AGRN: variants seen among roughly 807,000 people sequenced by gnomAD.
AGRN encodes agrin proteoglycan.
In AGRN, 106 loss-of-function variants were observed where a neutral mutation model predicts 211.0. The observed-to-expected ratio is 0.50, with a 90% CI of 0.43 to 0.59. The LOEUF (loss-of-function observed/expected upper bound fraction) is 0.59. Among genes scored for constraint, AGRN ranks in the 20% least tolerant of loss-of-function variants. The probability of loss-of-function intolerance (pLI) is 0.00; values close to 1 mark genes in which losing one functional copy is unlikely to be tolerated. For missense variants in AGRN, 3,040 were observed against 2,982.6 expected, an observed-to-expected ratio of 1.02 and a Z score of -0.45; for synonymous variants, 1,525 against 1,332.5, an observed-to-expected ratio of 1.14 and a Z score of -3.15.
chr1:1,044,478 G>T (rs1313042817), intron 12 of AGRN, 39 bp downstream of exon 12: 1 of 1,567,910 alleles, frequency 6.4e-7, no homozygotes, highest in African/African-American at 1.4e-5. Context: ...CACAGGCGGG[G>T]CGGCGTCTGG....
rs1011692859 is a variant in AGRN, at chr1:1,055,117, G to A, written c.*136G>A. 29 of 1,390,388 alleles carry A rather than the reference G, an allele frequency of 2.1e-5. No individual in the cohort carries two copies. The East Asian group carries it at 3.2e-4, about 16-fold the overall frequency. 86.1% of individuals were successfully genotyped at this position (1,390,388 alleles called of 1,614,324 possible). On this transcript the variant is annotated 3_prime_UTR_variant, in exon 36 of 36. Coordinates refer to ENST00000379370, the MANE Select transcript of AGRN (RefSeq NM_198576.4). ...GCCTCCCTTCCGTCCAGGCAGCCGT[G>A]CTGCAGACAGACCTAGTGCCGAGGG...
chr1:1,049,256 C>G lies in AGRN; in HGVS notation c.4319C>G (p.Pro1440Arg). The change falls in exon 25 of 36, where the codon CCG becomes CGG. Residue 1440 changes from proline (P) to arginine (R), a missense_variant. Pro to Arg is a moderately radical substitution (Grantham distance 103). Coordinates refer to ENST00000379370, the MANE Select transcript of AGRN (RefSeq NM_198576.4). The part of the protein sequence containing the change: ...VQLRFDTGSG[P>R]AVLTSAVPVE... ...CTCAGGTTTGACACAGGTTCGGGGC[C>G]GGCGGTGCTGACCAGTGCCGTGCCG... The G allele has an allele frequency of 5.7e-6, 9 of 1,588,564 alleles. No individual in the cohort carries two copies. The highest frequency in any genetic ancestry group is 7.7e-6 in the Non-Finnish European group (9 of 1,173,926).
Position 1,047,884 on chromosome 1 carries a change from T to C in AGRN, c.3740T>C (p.Phe1247Ser), listed in dbSNP as rs1052085783. The C allele has an allele frequency of 1.9e-6, 3 of 1,605,636 alleles. No homozygotes were observed. The Admixed American group carries it at 5.1e-5, about 27-fold the overall frequency. Reference protein sequence around the residue: ...VRRPLQEHVRFMDFDWFPAFI... With the variant: ...VRRPLQEHVRSMDFDWFPAFI... Reference sequence around the variant, plus strand: ...CGGCCGCTGCAGGAGCACGTGCGATTTATGGACTTTGGTGAGCGCCAGGCC... The same window carrying C: ...CGGCCGCTGCAGGAGCACGTGCGATCTATGGACTTTGGTGAGCGCCAGGCC... The change falls in exon 22 of 36, where the codon TTT becomes TCT. Residue 1247 changes from phenylalanine (F) to serine (S), a missense_variant. Transcript: ENST00000379370.
chr1:1,043,788 G>C (rs1258395981), intron 9 of AGRN, 35 bp from the exon 10 acceptor site: 5 of 1,607,238 alleles, frequency 3.1e-6, no homozygotes, highest in Admixed American at 1.7e-5. Flanking sequence ...CTCAGCCTGG[G>C]CCTGCCGACC....
chr1:1,045,998 C>G lies in AGRN; in HGVS notation c.2715C>G (p.Arg905=), dbSNP rs757267055. ...ASAPATCAEM[R]CEFGARCVEE... ...CGCCTGCGACCTGTGCGGAGATGCGCTGTGAGTTCGGTGCGCGGTGCGTGG... is the reference window on the plus strand; with the variant it reads ...CGCCTGCGACCTGTGCGGAGATGCGGTGTGAGTTCGGTGCGCGGTGCGTGG... Residue 905 remains arginine, a synonymous_variant, in exon 16 of 36, where the codon CGC becomes CGG. Coordinates refer to ENST00000379370, the MANE Select transcript of AGRN (RefSeq NM_198576.4). The G allele has an allele frequency of 1.6e-5, 26 of 1,613,872 alleles. No homozygotes were observed. The highest frequency in any genetic ancestry group is 8.5e-7 in the Non-Finnish European group (1 of 1,180,030).
rs752964147 is a variant in AGRN at position 1,050,521 on chromosome 1, G to A, written c.5071G>A (p.Val1691Met). ...GQKTDGKGDF[V>M]SLALRDRRLE... ...GAAGACGGACGGCAAGGGGGACTTC[G>A]TGTCGCTGGCACTGCGGGACCGCCG... Residue 1691 changes from valine to methionine, a missense_variant, in exon 29 of 36, where the codon GTG (valine) becomes ATG (methionine). Physicochemically the swap from Val to Met is conservative, Grantham distance 21 (BLOSUM62 1). Around this residue, in one of 3 missense-constraint regions of AGRN, gnomAD observed 1,537 missense variants for 1,505.0 expected, o/e 1.02. Coordinates refer to ENST00000379370, the MANE Select transcript of AGRN (RefSeq NM_198576.4). 1.8e-5 allele frequency: 29 copies of A among 1,612,756 alleles called. No individual in the cohort carries two copies. The highest frequency in any genetic ancestry group is 1.0e-4 in the Admixed American group (6 of 59,990).
At position 1,050,380 on chromosome 1, in the gene AGRN, C is replaced by G. The variant is rs770817951; in HGVS notation, c.4977-47C>G. 4 of 1,612,652 alleles carry G rather than the reference C, an allele frequency of 2.5e-6. No homozygotes were observed. The African/African-American group carries it at 5.3e-5, about 22-fold the overall frequency. ...GGGCCGGCCCCCACCTCCGTCTCTC[C>G]TGTGGGGAGGGGACAGCAAAGACAC... On this transcript the variant is annotated intron_variant, in intron 28 of 35. Coordinates refer to ENST00000379370, the MANE Select transcript of AGRN (RefSeq NM_198576.4).
Position 1,048,557 on chromosome 1 carries a change from G to A in AGRN, c.4105+192G>A. The A allele has an allele frequency of 1.7e-6, 1 of 605,774 alleles. No individual in the cohort carries two copies. Among genetic ancestry groups the A allele is most frequent in the Non-Finnish European group, 2.8e-6 (1 of 355,962 alleles). 37.5% of individuals were successfully genotyped at this position (605,774 alleles called of 1,614,324 possible). ...AGGCCGAGGCAGGCGGATCACCTGA[G>A]GTCGGGAGTTCGAGACCAGCCTGAC... On this transcript the variant is annotated intron_variant, in intron 23 of 35. Coordinates refer to ENST00000379370, the MANE Select transcript of AGRN (RefSeq NM_198576.4). The surrounding 1 kb of genome is among the most constrained non-coding windows in gnomAD (Gnocchi z 5.9).
Position 1,049,735 on chromosome 1 carries a change from G to A in AGRN, c.4684G>A (p.Ala1562Thr), listed in dbSNP as rs1319826378. 1 of 1,580,836 alleles carries A rather than the reference G, an allele frequency of 6.3e-7. No homozygotes were observed. The highest frequency in any genetic ancestry group is 8.6e-7 in the Non-Finnish European group (1 of 1,165,358). The change falls in exon 26 of 36, where the codon GCC becomes ACC. Residue 1562 changes from alanine to threonine, a missense_variant. Ala to Thr is a moderately conservative substitution (Grantham distance 58). This residue lies in a region of AGRN where 1,537 missense variants were observed against 1,505.0 expected (regional missense o/e 1.02). Coordinates refer to ENST00000379370, the MANE Select transcript of AGRN (RefSeq NM_198576.4). ...CCTGCCCAACCCCTGCCATGGCGGG[G>A]CCCCATGCCAGAACCTGGAGGCTGG... ...PCLPNPCHGG[A>T]PCQNLEAGRF...
At chr1:1,022,536 C>G (rs1014700620) in intron 2 of AGRN, 74 bp downstream of exon 2, 1 of 1,510,686 alleles carries the variant, frequency 6.6e-7, no homozygotes, top group Admixed American at 1.9e-5. Context: ...TTGCAGGGGT[C>G]GCTGTGCGGG....
chr1:1,046,366 G>T (rs992001479), intron 17 of AGRN, 31 bp from the exon 18 acceptor site: 2 of 1,599,314 alleles, frequency 1.3e-6, no homozygotes, highest in South Asian at 1.1e-5. Flanking sequence ...TGTCCCAACC[G>T]GTCCCCCCGC....
Position 1,051,629 on chromosome 1 carries a change from A to C in AGRN, c.5547A>C (p.Gly1849=), listed in dbSNP as rs569296472. ...YVCLCPGGFS[G]PHCEKGLVEK... The stretch of plus-strand genomic sequence containing the variant: ...GCCTGTGTCCCGGGGGATTCTCAGG[A>C]CCGCACTGCGAGAAGGGTGAGCCTG... The change falls in exon 32 of 36, where the codon GGA becomes GGC. Residue 1849 remains glycine (G), a synonymous_variant. Transcript: ENST00000379370. The C allele has an allele frequency of 6.2e-7, 1 of 1,611,416 alleles. No individual in the cohort carries two copies. Among genetic ancestry groups the C allele is most frequent in the Admixed American group, 1.7e-5 (1 of 59,894 alleles).
At chr1:1,029,410 G>GGGGGATCAGTGTCTATGCAGGCAGGTGA (rs1440548289) in intron 2 of AGRN, among the ~76,000 whole-genome samples, 2 of 142,858 alleles carry the variant, frequency 1.4e-5, no homozygotes, top group Admixed American at 1.4e-4. Flanking sequence ...CAGGCAGGTG[G>GGGGGATCAGTGTCTATGCAGGCAGGTGA]GGGGGACATC....
intron 3 of AGRN, among the ~76,000 whole-genome samples, chr1:1,038,657 G>A (rs1644856348): frequency 6.6e-6 from 1 of 152,240 alleles, no homozygotes; most frequent in Non-Finnish European, 1.5e-5. Flanking sequence ...GGGGAGAAAG[G>A]CTCAGGAGCC....
At chr1:1,024,399 C>T (rs1458593667) in intron 2 of AGRN, among the ~76,000 whole-genome samples, 1 of 152,040 alleles carries the variant, frequency 6.6e-6, no homozygotes, top group Non-Finnish European at 1.5e-5. Context: ...GCCAAGGCCT[C>T]ACCCTAGTGA....
In AGRN at chr1:1,047,473, C is replaced by A. The variant is rs565585072; in HGVS notation, c.3516+19C>A. 11 of 1,612,706 alleles carry A rather than the reference C, an allele frequency of 6.8e-6. No homozygotes were observed. The African/African-American group carries it at 9.3e-5, about 14-fold the overall frequency. ...GAGCACCGTAAGACGGGGGCGCAGC[C>A]CCCACCTACCCACTGGCCTTCCTCC... On this transcript the variant is annotated intron_variant, in intron 20 of 35. Coordinates refer to ENST00000379370, the MANE Select transcript of AGRN (RefSeq NM_198576.4).
Position 1,048,136 on chromosome 1 carries a change from T to A in AGRN, c.3876T>A (p.Ser1292Arg). 6.4e-7 allele frequency: 1 copy of A among 1,572,656 alleles called. No homozygotes were observed. Among genetic ancestry groups the A allele is most frequent in the Non-Finnish European group, 8.6e-7 (1 of 1,166,796 alleles). ...TGACCCCTCGGGCCCCGCACCCCAG[T>A]CACACAAGCCAGCCCGTTGCCAAGA... ...SAVTPRAPHP[S>R]HTSQPVAKTT... Residue 1292 changes from serine (S) to arginine (R), a missense_variant, in exon 23 of 36, where the codon AGT becomes AGA. Ser to Arg is a moderately radical substitution (Grantham distance 110). This residue lies in a region of AGRN where 1,537 missense variants were observed against 1,505.0 expected (regional missense o/e 1.02). Coordinates refer to ENST00000379370, the MANE Select transcript of AGRN (RefSeq NM_198576.4). The surrounding 1 kb of genome is among the most constrained non-coding windows in gnomAD (Gnocchi z 5.9).
At chr1:1,045,106 C>T in intron 12 of AGRN, 55 bp from the exon 13 acceptor site, 6 of 1,571,894 alleles carry the variant, frequency 3.8e-6, no homozygotes, top group Non-Finnish European at 5.2e-6. Flanking sequence ...CTGGCTGGGT[C>T]CAGGGTGGGT....
In AGRN at chr1:1,051,648, G is replaced by A; in HGVS notation, c.5563+3G>A. The A allele has an allele frequency of 1.9e-6, 3 of 1,612,500 alleles. No homozygotes were observed. The highest frequency in any genetic ancestry group is 2.5e-6 in the Non-Finnish European group (3 of 1,179,640). ...CTCAGGACCGCACTGCGAGAAGGGT[G>A]AGCCTGGCACAGGGCAGGGGGCGGA... is the stretch of plus-strand genomic sequence containing the variant. On this transcript the variant is annotated splice_donor_region_variant and intron_variant, in intron 32 of 35. Transcript: ENST00000379370.
Sources: gnomAD v4.1 joint callset for allele counts (sites outside exome capture counted in the v4.1 genomes callset) on GRCh38, gnomAD v4.1.1 for gene constraint, gnomAD v4.1.1 regional missense constraint, Gnocchi (gnomAD v3.1) non-coding constraint, MANE v1.5 for transcripts, NCBI Gene and HGNC (gene_info 2026-07-23, HGNC 2026-07-21) for gene names.